Variants in TLE4 observed in about 807,000 individuals in gnomAD.
TLE4 encodes TLE family member 4, transcriptional corepressor, also known as transducin-like enhancer protein 4.
Under a neutral mutation model 92.8 loss-of-function variants are expected in TLE4, and 8 were observed. The observed-to-expected ratio is 0.09, with a 90% CI of 0.05 to 0.16. The LOEUF is 0.16. Ranked by LOEUF, TLE4 falls within the 10% of genes least tolerant of loss-of-function variation. The pLI, the probability that TLE4 is intolerant of heterozygous loss-of-function variation, is 1.00. For synonymous variants in TLE4, 371 were observed against 374.1 expected, an observed-to-expected ratio of 0.99 and a Z score of 0.10; for missense variants, 675 against 997.6, an observed-to-expected ratio of 0.68 and a Z score of 4.36.
chr9:79,677,961 T>C (rs1588135510), intron 8 of TLE4, among the ~76,000 whole-genome samples: 2 of 152,190 alleles, frequency 1.3e-5, no homozygotes, highest in East Asian at 3.8e-4. Context: ...CTATTTTGAA[T>C]GCTTCTTTAT....
intron 6 of TLE4, among the ~76,000 whole-genome samples, chr9:79,632,273 C>G (rs1192432151): frequency 6.6e-6 from 1 of 152,198 alleles, no homozygotes; most frequent in Non-Finnish European, 1.5e-5. Context: ...CTGGGGGAGA[C>G]ACCTGTAAGA....
chr9:79,649,289 C>G (rs2058574307), intron 6 of TLE4, among the ~76,000 whole-genome samples: 1 of 151,902 alleles, frequency 6.6e-6, no homozygotes, highest in Non-Finnish European at 1.5e-5. Context: ...CACACACACA[C>G]ACACACACAC....
chr9:79,631,615 A>AGTGTGT (rs2054218595), intron 6 of TLE4, among the ~76,000 whole-genome samples: 24 of 29,654 alleles, frequency 8.1e-4, no homozygotes, highest in South Asian at 1.8e-3. Flanking sequence ...TTGAACCTTA[A>AGTGTGT]ATGTGTGTGT....
intron 8 of TLE4, among the ~76,000 whole-genome samples, chr9:79,680,224 T>C (rs7467251): frequency 0.88 from 126,338 of 143,022 alleles, 55,732 homozygotes; most frequent in African/African-American, 0.9. Context: ...GCCATTTTCA[T>C]GATATTGATT....
At chr9:79,703,992 A>G (rs1039924698) in intron 8 of TLE4, among the ~76,000 whole-genome samples, 2 of 151,266 alleles carry the variant, frequency 1.3e-5, no homozygotes, top group Non-Finnish European at 2.9e-5. Context: ...TAGTTTTTCT[A>G]TAGAAGCTTG....
chr9:79,580,080 A>C (rs2039190921), intron 4 of TLE4: 1 of 152,232 alleles, frequency 6.6e-6, no homozygotes. Flanking sequence ...TGTTAAGAAG[A>C]AATTGACTTG....
intron 6 of TLE4, chr9:79,649,705 C>T: frequency 1.2e-6 from 1 of 807,618 alleles, no homozygotes; most frequent in Non-Finnish European, 1.8e-6. Context: ...AGAATAAAAC[C>T]AAACAAGGAC....
chr9:79,638,486 C>T (rs2056451020), intron 6 of TLE4, among the ~76,000 whole-genome samples: 1 of 151,792 alleles, frequency 6.6e-6, no homozygotes, highest in Non-Finnish European at 1.5e-5. Flanking sequence ...CAGAATGGTA[C>T]ATTCTTGAAT....
intron 4 of TLE4, among the ~76,000 whole-genome samples, chr9:79,587,995 A>G (rs907421756): frequency 2.6e-5 from 4 of 152,332 alleles, no homozygotes; most frequent in Admixed American, 6.5e-5. Context: ...AAATTTGCCC[A>G]GGGTTATATA....
chr9:79,720,377 GGTGTGTGTGTGTGTGTGTGT>G (rs71364488), intron 16 of TLE4, 84 bp downstream of exon 16: 22 of 316,574 alleles, frequency 6.9e-5, no homozygotes, highest in African/African-American at 6.3e-4. Context: ...TATAGGTATG[GGTGTGTGTGTGTGTGTGTGT>G]GTGTGTGTGT....
At position 79,631,068 on chromosome 9, in the gene TLE4, T is replaced by C. The variant is rs143972201; in HGVS notation, c.390+3620T>C. ...AGGAAACAGGTATGCCATGGTGTTGTAGGAATTGCAGTTTAGCACAAGAAA... is the reference window on the plus strand; with the variant it reads ...AGGAAACAGGTATGCCATGGTGTTGCAGGAATTGCAGTTTAGCACAAGAAA... On this transcript the variant is annotated intron_variant, in intron 6 of 19. Coordinates refer to ENST00000376552, the MANE Select transcript of TLE4 (RefSeq NM_007005.6). 5.4e-3 allele frequency among the ~76,000 whole-genome samples: 822 copies of C among 152,310 alleles called. 13 individuals are homozygous for C. Among genetic ancestry groups the C allele is most frequent in the African/African-American group, 0.019 (779 of 41,576 alleles).
intron 6 of TLE4, among the ~76,000 whole-genome samples, chr9:79,629,635 T>C (rs373535226): frequency 3.3e-5 from 5 of 152,272 alleles, no homozygotes; most frequent in African/African-American, 1.2e-4. Flanking sequence ...ATCTGATGAG[T>C]CTTCCAAACT....
rs185639608 is a variant in TLE4, at chr9:79,689,609, C to T, written c.610-15174C>T. ...AAGAGCATCTTGCCTCATCTTATGA[C>T]ATGGTTATGATTGCGTTTTTTCTCT... is the stretch of plus-strand genomic sequence containing the variant. On this transcript the variant is annotated intron_variant, in intron 8 of 19. Coordinates refer to ENST00000376552, the MANE Select transcript of TLE4 (RefSeq NM_007005.6). 3.0e-4 allele frequency among the ~76,000 whole-genome samples: 45 copies of T among 152,280 alleles called. 2 individuals are homozygous for T. In the East Asian group the frequency reaches 6.8e-3, roughly 23 times the overall value.
At chr9:79,621,851 C>T (rs982938471) in intron 5 of TLE4, among the ~76,000 whole-genome samples, 6 of 152,158 alleles carry the variant, frequency 3.9e-5, no homozygotes, top group Admixed American at 2.6e-4. Context: ...TTCTTAAGTA[C>T]ATGTGGCTAA....
chr9:79,677,938 TA>T (rs2063587683), intron 8 of TLE4, among the ~76,000 whole-genome samples: 1 of 152,158 alleles, frequency 6.6e-6, no homozygotes, highest in African/African-American at 2.4e-5. Context: ...ACTTCTGGCG[TA>T]ATTTCTCTCT....
At chr9:79,591,280 C>CT (rs1472842832) in intron 4 of TLE4, among the ~76,000 whole-genome samples, 3 of 152,024 alleles carry the variant, frequency 2.0e-5, no homozygotes, top group African/African-American at 7.3e-5. Flanking sequence ...AGTGAGACCT[C>CT]AGAGGATGGG....
intron 4 of TLE4, among the ~76,000 whole-genome samples, chr9:79,592,092 TTTCTTC>T (rs557969723): frequency 6.6e-5 from 10 of 151,156 alleles, no homozygotes; most frequent in African/African-American, 1.5e-4. Context: ...TGGAAGAGAG[TTTCTTC>T]TTCTTCTTCT....
rs190484141 is a variant in TLE4 at position 79,594,851 on chromosome 9, C to T, written c.253-17805C>T. Among the ~76,000 whole-genome samples the T allele has an allele frequency of 5.9e-5, 9 of 152,238 alleles. No individual in the cohort carries two copies. In the South Asian group the frequency reaches 8.3e-4, roughly 14 times the overall value. On this transcript the variant is annotated intron_variant, in intron 4 of 19. Transcript: ENST00000376552. ...CATTCTCTGCAGAAAATTTATTAAG[C>T]GTAAGTTTAAGGGAGCAAAACTCCA... is the stretch of plus-strand genomic sequence containing the variant.
intron 8 of TLE4, among the ~76,000 whole-genome samples, chr9:79,654,829 A>T (rs1476025223): frequency 6.6e-6 from 1 of 152,184 alleles, no homozygotes; most frequent in East Asian, 1.9e-4. Context: ...GTGATCACTT[A>T]TGAACCAGAC....
Sources: gnomAD v4.1 joint callset for allele counts (sites outside exome capture counted in the v4.1 genomes callset) on GRCh38, gnomAD v4.1.1 for gene constraint, MANE v1.5 for transcripts, NCBI Gene and HGNC (gene_info 2026-07-23, HGNC 2026-07-21) for gene names.